Variants in NRXN3 observed in about 807,000 individuals in gnomAD.
NRXN3 encodes the protein neurexin III.
NRXN3 carries 32 observed loss-of-function variants against 137.6 expected under a neutral mutation model. The ratio of observed to expected loss-of-function variants is 0.23; its 90% CI spans 0.18 to 0.31. The LOEUF is 0.31. NRXN3 is among the 10% of genes least tolerant of loss of function. NRXN3 has a pLI of 1.00. For synonymous variants in NRXN3, 798 were observed against 784.5 expected (o/e 1.02, Z -0.29); for missense variants, 1,574 against 2,062.5 (o/e 0.76, Z 4.59).
intron 1 of NRXN3, among the ~76,000 whole-genome samples, chr14:78,238,824 A>G (rs1418705505): frequency 6.6e-6 from 1 of 152,038 alleles, no homozygotes; most frequent in Non-Finnish European, 1.5e-5. Context: ...GCTGGAGGGG[A>G]AGGATGAGGG....
chr14:78,250,341 C>T (rs558913522), intron 2 of NRXN3, among the ~76,000 whole-genome samples: 1 of 152,208 alleles, frequency 6.6e-6, no homozygotes, highest in Non-Finnish European at 1.5e-5. Flanking sequence ...AGTTCTGACT[C>T]TGGGCTATTG....
At chr14:78,234,809 A>G (rs1276464759) in intron 1 of NRXN3, among the ~76,000 whole-genome samples, 1 of 138,086 alleles carries the variant, frequency 7.2e-6, no homozygotes, top group Non-Finnish European at 1.6e-5. Context: ...AACAAAATAA[A>G]TGAAAAACTT....
In NRXN3 at chr14:78,701,809, T is replaced by TG. The variant is rs1452393032; in HGVS notation, c.1222-7406dup. 3.9e-5 allele frequency among the ~76,000 whole-genome samples: 6 copies of TG among 152,376 alleles called. No individual in the cohort carries two copies. In the East Asian group the frequency reaches 1.2e-3, roughly 29 times the overall value. On this transcript the variant is annotated intron_variant, in intron 6 of 20. Coordinates refer to ENST00000335750, the MANE Select transcript of NRXN3 (RefSeq NM_001330195.2). ...TGAGCTCTAGAACTTGGACATTTTC[T>TG]GGCTCCTGCCTTGCAAGTCTGAACC...
In NRXN3 at chr14:78,242,996, C is replaced by G; in HGVS notation, c.-98C>G. 2 of 828,428 alleles carry G rather than the reference C, an allele frequency of 2.4e-6. No homozygotes were observed. The highest frequency in any genetic ancestry group is 3.7e-6 in the Non-Finnish European group (2 of 542,494). The allele number at this position is 828,428 out of a possible 1,614,324, so 51.3% of individuals were successfully genotyped here. ...CTGTGTGCTTTCTGTCCCCCCATCT[C>G]TGTCTTGTCTTTCCCACTTCTATTG... On this transcript the variant is annotated 5_prime_UTR_variant, in exon 2 of 21. Coordinates refer to ENST00000335750, the MANE Select transcript of NRXN3 (RefSeq NM_001330195.2).
At chr14:79,133,458 G>T (rs1053854169) in intron 15 of NRXN3, among the ~76,000 whole-genome samples, 2 of 152,082 alleles carry the variant, frequency 1.3e-5, no homozygotes, top group East Asian at 3.9e-4. Context: ...TCTTATCTAT[G>T]AAAGTTCATA....
At chr14:78,648,160 G>A (rs1045063931) in intron 5 of NRXN3, among the ~76,000 whole-genome samples, 17 of 152,322 alleles carry the variant, frequency 1.1e-4, no homozygotes, top group South Asian at 1.0e-3. Context: ...TGTATCTATT[G>A]CAAACTATAA....
chr14:79,270,607 T>C (rs2079159955), intron 15 of NRXN3, among the ~76,000 whole-genome samples: 1 of 152,072 alleles, frequency 6.6e-6, no homozygotes, highest in South Asian at 2.1e-4. Flanking sequence ...ATTCCATGAA[T>C]CATGTAGGGA....
intron 4 of NRXN3, among the ~76,000 whole-genome samples, chr14:78,507,915 T>C (rs1457900486): frequency 3.3e-5 from 5 of 152,148 alleles, no homozygotes; most frequent in Admixed American, 1.3e-4. Flanking sequence ...TCTTAGAGGA[T>C]TGGGTTTGTA....
chr14:79,321,519 T>G (rs2090013348), intron 15 of NRXN3, among the ~76,000 whole-genome samples: 1 of 152,140 alleles, frequency 6.6e-6, no homozygotes, highest in African/African-American at 2.4e-5. Flanking sequence ...TTCATTATAG[T>G]ACTAAGAATG....
intron 8 of NRXN3, among the ~76,000 whole-genome samples, chr14:78,762,698 T>C (rs966486607): frequency 2.0e-5 from 3 of 152,184 alleles, no homozygotes; most frequent in Admixed American, 6.5e-5. Flanking sequence ...TAATACTGTT[T>C]ACCCAAAAAG....
intron 6 of NRXN3, among the ~76,000 whole-genome samples, chr14:78,689,878 C>G (rs1052771394): frequency 4.0e-5 from 6 of 151,684 alleles, no homozygotes; most frequent in Non-Finnish European, 7.4e-5. Flanking sequence ...CCTCCTCTTT[C>G]TCTCTGCCCT....
intron 8 of NRXN3, among the ~76,000 whole-genome samples, chr14:78,725,133 C>T (rs1023630982): frequency 5.3e-5 from 8 of 152,192 alleles, no homozygotes; most frequent in Non-Finnish European, 8.8e-5. Flanking sequence ...TTAGCATGTT[C>T]CCCCTCTTTG....
intron 8 of NRXN3, among the ~76,000 whole-genome samples, chr14:78,767,896 C>T (rs1335823940): frequency 6.6e-6 from 1 of 151,950 alleles, no homozygotes. Flanking sequence ...CAGCCTTGTC[C>T]CTGGGTCCCT....
intron 15 of NRXN3, among the ~76,000 whole-genome samples, chr14:79,335,516 A>G (rs1159458050): frequency 3.3e-5 from 5 of 151,898 alleles, no homozygotes; most frequent in Non-Finnish European, 5.9e-5. Flanking sequence ...TATATTCTGT[A>G]CTCCTTTTAC....
chr14:79,343,399 C>T (rs1225437308), intron 15 of NRXN3, among the ~76,000 whole-genome samples: 1 of 152,138 alleles, frequency 6.6e-6, no homozygotes, highest in African/African-American at 2.4e-5. Flanking sequence ...AGGTTAGAAG[C>T]AAGATGGAGT....
chr14:79,500,307 A>T (rs1293440935), intron 16 of NRXN3, among the ~76,000 whole-genome samples: 5 of 151,560 alleles, frequency 3.3e-5, no homozygotes, highest in East Asian at 1.9e-4. Context: ...AATAAAACAG[A>T]TACCATTCAA....
chr14:78,596,683 A>C (rs1049222374), intron 4 of NRXN3, among the ~76,000 whole-genome samples: 1 of 152,212 alleles, frequency 6.6e-6, no homozygotes, highest in Non-Finnish European at 1.5e-5. Context: ...CATGCGGTAG[A>C]AAATGGCCAG....
At chr14:78,710,679 T>C (rs771784068) in intron 7 of NRXN3, among the ~76,000 whole-genome samples, 16 of 152,212 alleles carry the variant, frequency 1.1e-4, no homozygotes, top group Non-Finnish European at 1.9e-4. Context: ...GAGAGAGCAA[T>C]AAGTTCCCCA....
intron 10 of NRXN3, among the ~76,000 whole-genome samples, chr14:78,847,605 G>A (rs2099030870): frequency 6.6e-6 from 1 of 152,076 alleles, no homozygotes; most frequent in Non-Finnish European, 1.5e-5. Context: ...CAGGAAAAGA[G>A]CAGAGAATGA....
Sources: gnomAD v4.1 joint callset for allele counts (sites outside exome capture counted in the v4.1 genomes callset) on GRCh38, gnomAD v4.1.1 for gene constraint, MANE v1.5 for transcripts, NCBI Gene and HGNC (gene_info 2026-07-23, HGNC 2026-07-21) for gene names.